The following RBFOX2 variants were observed in gnomAD, a reference collection of about 807,000 sequenced individuals.
The protein encoded by RBFOX2 is RNA binding fox-1 homolog 2, also known as RNA binding protein fox-1 homolog 2.
In RBFOX2, 10 loss-of-function variants were observed where a neutral mutation model predicts 49.1. The ratio of observed to expected loss-of-function variants is 0.20; its 90% CI spans 0.13 to 0.35. The LOEUF is 0.35. Among genes scored for constraint, RBFOX2 ranks in the 10% least tolerant of loss-of-function variants. The pLI is 1.00. For missense variants in RBFOX2, 323 were observed against 486.9 expected (o/e 0.66, Z 3.17); for synonymous variants, 183 against 187.4 (o/e 0.98, Z 0.19).
intron 2 of RBFOX2, among the ~76,000 whole-genome samples, chr22:35,784,057 C>T (rs1160444157): frequency 6.6e-6 from 1 of 152,172 alleles, no homozygotes; most frequent in African/African-American, 2.4e-5. Flanking sequence ...CGGGCAGGGA[C>T]GGGCACTGGG....
At chr22:35,925,021 T>C (rs1309693981) in intron 1 of RBFOX2, among the ~76,000 whole-genome samples, 1 of 151,136 alleles carries the variant, frequency 6.6e-6, no homozygotes, top group African/African-American at 2.4e-5. Flanking sequence ...TCTACTAAAA[T>C]AAATATATAT....
chr22:35,943,350 T>C (rs1200214714), upstream of RBFOX2, among the ~76,000 whole-genome samples: 1 of 152,170 alleles, frequency 6.6e-6, no homozygotes, highest in East Asian at 1.9e-4. Context: ...TCAGATGTGT[T>C]AGAAGTCCAA....
At chr22:35,902,478 T>C (rs1218483606) in intron 1 of RBFOX2, among the ~76,000 whole-genome samples, 2 of 152,150 alleles carry the variant, frequency 1.3e-5, no homozygotes, top group Non-Finnish European at 2.9e-5. Context: ...GACTTCACTA[T>C]ATATTCATGA....
chr22:35,827,882 T>C lies in RBFOX2; in HGVS notation c.27+12310A>G, dbSNP rs547392751. On this transcript the variant is annotated intron_variant, in intron 1 of 11. Transcript: ENST00000405409. The stretch of plus-strand genomic sequence containing the variant: ...AAGATGGAGTAACAAGAACCAGATT[T>C]AAGGCCAGGCGCAGTGGCTCACGCC... Among the ~76,000 whole-genome samples, 13 of 152,274 alleles carry C rather than the reference T, an allele frequency of 8.5e-5. No individual in the cohort carries two copies. The South Asian group carries it at 2.5e-3, about 29-fold the overall frequency.
intron 2 of RBFOX2, 32 bp from the exon 4 acceptor site, chr22:35,781,778 C>T (rs376648531): frequency 8.1e-6 from 13 of 1,613,012 alleles, no homozygotes; most frequent in Non-Finnish European, 1.0e-5. Flanking sequence ...GAAAAATATA[C>T]ACAATTACTT....
upstream of RBFOX2, among the ~76,000 whole-genome samples, chr22:35,966,088 T>G (rs2056543216): frequency 6.6e-6 from 1 of 152,194 alleles, no homozygotes; most frequent in Non-Finnish European, 1.5e-5. Flanking sequence ...ACACCATAAA[T>G]TCACTCTGCC....
chr22:35,853,974 G>GCCAA (rs2042233826), intron 1 of RBFOX2, among the ~76,000 whole-genome samples: 1 of 152,134 alleles, frequency 6.6e-6, no homozygotes, highest in Non-Finnish European at 1.5e-5. Context: ...ACTTTGGGAG[G>GCCAA]CCAAGGCAGG....
At chr22:35,961,057 A>G (rs1027329054) in intron 1 of RBFOX2, among the ~76,000 whole-genome samples, 2 of 152,196 alleles carry the variant, frequency 1.3e-5, no homozygotes, top group African/African-American at 4.8e-5. Context: ...ACTGTCTTGA[A>G]GCATGCAGTT....
intron 4 of RBFOX2, among the ~76,000 whole-genome samples, chr22:35,775,701 G>A (rs575220553): frequency 2.8e-4 from 42 of 151,728 alleles, no homozygotes; most frequent in Non-Finnish European, 5.0e-4. Flanking sequence ...ATTAGCTAGG[G>A]GTGGTAGTGT....
intron 1 of RBFOX2, among the ~76,000 whole-genome samples, chr22:35,862,162 T>G (rs1258127750): frequency 6.6e-6 from 1 of 152,140 alleles, no homozygotes; most frequent in Non-Finnish European, 1.5e-5. Flanking sequence ...CAAAGGGGCA[T>G]GAGAAAACTT....
chr22:35,808,208 A>G (rs1035576435), intron 2 of RBFOX2, among the ~76,000 whole-genome samples: 9 of 152,208 alleles, frequency 5.9e-5, no homozygotes, highest in African/African-American at 2.2e-4. Context: ...CAGTCAATAC[A>G]TCAGCCTGTA....
At chr22:35,897,233 A>C (rs1436716671) in intron 1 of RBFOX2, 1 of 1,305,534 alleles carries the variant, frequency 7.7e-7, no homozygotes, top group Non-Finnish European at 1.1e-6. Flanking sequence ...GACCCAAAAG[A>C]CACCAAAACC....
chr22:35,951,760 C>T lies in RBFOX2; in HGVS notation c.42+9803G>A, dbSNP rs147922976. ...TCACTTTATAGTAAGGAAACTGAGG[C>T]TCAGAAAAACTATACAATTTTTCCC... is the stretch of plus-strand genomic sequence containing the variant. On this transcript the variant is annotated intron_variant, in intron 1 of 5. Transcript: ENST00000408983. Among the ~76,000 whole-genome samples the T allele has an allele frequency of 2.4e-3, 371 of 152,302 alleles. 3 individuals are homozygous for T. The highest frequency in any genetic ancestry group is 8.8e-3 in the African/African-American group (366 of 41,564).
Position 35,853,150 on chromosome 22 carries a change from C to T in RBFOX2, c.-33-43146G>A, listed in dbSNP as rs566714385. On this transcript the variant is annotated intron_variant, in intron 1 of 13. Coordinates refer to the RBFOX2 transcript ENST00000359369. ...CTCTACTAAAAATACAAAAATTAGC[C>T]GGGCGTGGTGGTGGGTGCCTGTAAT... is the stretch of plus-strand genomic sequence containing the variant. Among the ~76,000 whole-genome samples the T allele has an allele frequency of 8.6e-5, 13 of 151,760 alleles. No homozygotes were observed. In the South Asian group the frequency reaches 1.7e-3, roughly 19 times the overall value.
At chr22:35,996,567 T>C (rs1447375699) in intron 1 of RBFOX2, 1 of 138,486 alleles carries the variant, frequency 7.2e-6, no homozygotes, top group Admixed American at 7.9e-5. Flanking sequence ...ATTGTGCCAC[T>C]ACACTCCAGC....
At chr22:35,829,445 T>G (rs544796087) in intron 1 of RBFOX2, among the ~76,000 whole-genome samples, 1 of 151,996 alleles carries the variant, frequency 6.6e-6, no homozygotes, top group Non-Finnish European at 1.5e-5. Flanking sequence ...AGACGAAAGC[T>G]ATAATCTGAG....
intron 9 of RBFOX2, among the ~76,000 whole-genome samples, chr22:35,752,314 C>T (rs955355428): frequency 1.1e-4 from 16 of 152,188 alleles, no homozygotes; most frequent in Admixed American, 1.0e-3. Flanking sequence ...ACCACAGGTA[C>T]ATGTGACTGA....
chr22:35,839,492 CAGAG>C (rs1385663840), intron 1 of RBFOX2, among the ~76,000 whole-genome samples: 2 of 152,060 alleles, frequency 1.3e-5, no homozygotes, highest in East Asian at 3.9e-4. Flanking sequence ...AGAGGGGAGA[CAGAG>C]GGAGGAGAGG....
intron 1 of RBFOX2, among the ~76,000 whole-genome samples, chr22:35,925,391 T>G (rs1332770018): frequency 2.0e-5 from 3 of 151,976 alleles, no homozygotes; most frequent in African/African-American, 7.2e-5. Context: ...CTAGGCGTGG[T>G]AGCACATGCA....
Sources: allele counts gnomAD v4.1 joint callset (sites outside exome capture counted in the v4.1 genomes callset), GRCh38; gene constraint gnomAD v4.1.1; transcripts MANE v1.5; gene names NCBI Gene and HGNC (gene_info 2026-07-23, HGNC 2026-07-21).